TTC29: variants seen among roughly 807,000 people sequenced by gnomAD.
TTC29 encodes tetratricopeptide repeat domain 29, also known as tetratricopeptide repeat protein 29.
TTC29 carries 49 observed loss-of-function variants against 58.1 expected under a neutral mutation model. The ratio of observed to expected loss-of-function variants is 0.84; its 90% CI spans 0.67 to 1.07. The LOEUF (loss-of-function observed/expected upper bound fraction) is 1.07, where lower values mean the gene tolerates loss of function less well. Ranked by LOEUF, TTC29 falls within the 50% of genes least tolerant of loss-of-function variation. The pLI, the probability that TTC29 is intolerant of heterozygous loss-of-function variation, is 0.00. For synonymous variants in TTC29, 209 were observed against 196.8 expected (o/e 1.06, Z -0.52); for missense variants, 582 against 555.6 (o/e 1.05, Z -0.48).
intron 4 of TTC29, among the ~76,000 whole-genome samples, chr4:146,924,121 A>ATAT (rs969604604): frequency 1.3e-5 from 2 of 151,816 alleles, no homozygotes; most frequent in African/African-American, 2.4e-5. Context: ...AGCATGTGCT[A>ATAT]TATTACTTTT....
intron 11 of TTC29, among the ~76,000 whole-genome samples, chr4:146,710,916 C>T (rs1742443045): frequency 6.6e-6 from 1 of 151,982 alleles, no homozygotes; most frequent in African/African-American, 2.4e-5. Flanking sequence ...CATCGCATCC[C>T]TTTTTTGAAA....
At chr4:146,766,998 C>A (rs1001407433) in intron 11 of TTC29, among the ~76,000 whole-genome samples, 7 of 152,140 alleles carry the variant, frequency 4.6e-5, no homozygotes, top group Middle Eastern at 3.4e-3. Context: ...GTAGACAAAA[C>A]ATTTATTCAT....
chr4:146,778,636 T>G (rs917260873), intron 11 of TTC29, among the ~76,000 whole-genome samples: 2 of 152,174 alleles, frequency 1.3e-5, no homozygotes, highest in African/African-American at 4.8e-5. Context: ...TGAGTACACA[T>G]TTCTACATCA....
At chr4:146,931,179 CA>C (rs905164941) in intron 4 of TTC29, among the ~76,000 whole-genome samples, 26 of 140,610 alleles carry the variant, frequency 1.8e-4, no homozygotes, top group South Asian at 4.6e-4. Flanking sequence ...CCTGTCTCTA[CA>C]AAAAAAAAAG....
Position 146,923,263 on chromosome 4 carries a change from C to T in TTC29, c.177-14014G>A, listed in dbSNP as rs1184414493. 2.6e-5 allele frequency among the ~76,000 whole-genome samples: 4 copies of T among 151,666 alleles called. No homozygotes were observed. The South Asian group carries it at 8.3e-4, about 31-fold the overall frequency. ...TTAGCCAATTTTACAAAACCTTAAA[C>T]TGTAGCATAAGAAAATTAAAATCGT... On this transcript the variant is annotated intron_variant, in intron 4 of 12. Coordinates refer to ENST00000325106, the MANE Select transcript of TTC29 (RefSeq NM_031956.4).
At chr4:146,826,106 T>C (rs1727778646) in intron 9 of TTC29, among the ~76,000 whole-genome samples, 1 of 152,174 alleles carries the variant, frequency 6.6e-6, no homozygotes, top group Admixed American at 6.5e-5. Context: ...TTGGCCCACT[T>C]ACATTTAAGG....
chr4:146,762,569 G>A (rs578001662), intron 11 of TTC29, among the ~76,000 whole-genome samples: 1 of 151,882 alleles, frequency 6.6e-6, no homozygotes, highest in Admixed American at 6.6e-5. Context: ...TTCAAGAAAA[G>A]GTGCCATAAT....
intron 11 of TTC29, among the ~76,000 whole-genome samples, chr4:146,790,088 A>G (rs1052551366): frequency 2.6e-5 from 4 of 151,864 alleles, no homozygotes; most frequent in Non-Finnish European, 4.4e-5. Flanking sequence ...CTACATATAC[A>G]TGCCTTGATT....
chr4:146,900,938 T>C (rs1733105047), intron 6 of TTC29, among the ~76,000 whole-genome samples: 1 of 152,222 alleles, frequency 6.6e-6, no homozygotes, highest in East Asian at 1.9e-4. Flanking sequence ...GACAGCTATC[T>C]GAATCTCACT....
In TTC29 at chr4:146,754,139, TA is replaced by T. The variant is rs200828592; in HGVS notation, c.1331-46589del. 3.4e-3 allele frequency among the ~76,000 whole-genome samples: 507 copies of T among 150,498 alleles called. 4 individuals are homozygous for T. Among genetic ancestry groups the T allele is most frequent in the African/African-American group, 0.011 (455 of 41,202 alleles). On this transcript the variant is annotated intron_variant, in intron 11 of 12. Transcript: ENST00000325106. The stretch of plus-strand genomic sequence containing the variant: ...ATAAACTACCATCATTTTATATATT[TA>T]AAAAAAAAGAAATTATAACAGATGC...
At chr4:146,897,979 A>G (rs1209869250) in intron 6 of TTC29, among the ~76,000 whole-genome samples, 1 of 152,218 alleles carries the variant, frequency 6.6e-6, no homozygotes, top group Non-Finnish European at 1.5e-5. Flanking sequence ...TTAAGACTCA[A>G]TGATAGAATT....
At chr4:146,847,308 G>T (rs966661499) in intron 8 of TTC29, among the ~76,000 whole-genome samples, 12 of 152,078 alleles carry the variant, frequency 7.9e-5, no homozygotes, top group Admixed American at 5.9e-4. Flanking sequence ...GAATTCCCTG[G>T]CTTCCCAGTA....
rs533655118 is a variant in TTC29 at position 146,750,302 on chromosome 4, C to T, written c.1331-42751G>A. On this transcript the variant is annotated intron_variant, in intron 11 of 12. Transcript: ENST00000325106. ...GATTACAGGCATGAGCCACTGCGCC[C>T]GGCCCTATACCTGCCTTTTAAGAAA... is the stretch of plus-strand genomic sequence containing the variant. Among the ~76,000 whole-genome samples the T allele has an allele frequency of 1.2e-4, 18 of 152,246 alleles. 1 individual carries two copies. The highest frequency in any genetic ancestry group is 3.6e-4 in the African/African-American group (15 of 41,540).
chr4:146,833,860 TCCAGGTCTGTGGAGATTTTAC>T lies in TTC29; in HGVS notation c.902_922del (p.Cys301_Asp308delinsTyr). 1.2e-6 allele frequency: 2 copies of T among 1,613,292 alleles called. No individual in the cohort carries two copies. The highest frequency in any genetic ancestry group is 4.5e-5 in the East Asian group (2 of 44,802). Reference sequence around the variant, plus strand: ...GCCTCTCCCCAGACTGAGATCATCATCCAGGTCTGTGGAGATTTTACAGTAAGTGTCAAGGACCTATCAGGA... The same window carrying T: ...GCCTCTCCCCAGACTGAGATCATCATAGTAAGTGTCAAGGACCTATCAGGA... On this transcript the variant is annotated inframe_deletion, in exon 9 of 13. Coordinates refer to ENST00000325106, the MANE Select transcript of TTC29 (RefSeq NM_031956.4).
intron 11 of TTC29, among the ~76,000 whole-genome samples, chr4:146,714,041 G>A (rs1430441599): frequency 6.6e-6 from 1 of 151,976 alleles, no homozygotes; most frequent in East Asian, 1.9e-4. Context: ...AAATCAGATT[G>A]ACTCTTTTCC....
At chr4:146,801,872 A>G (rs1750244794) in intron 11 of TTC29, among the ~76,000 whole-genome samples, 1 of 146,604 alleles carries the variant, frequency 6.8e-6, no homozygotes, top group Non-Finnish European at 1.5e-5. Context: ...CCAGCTCCTC[A>G]GGAGGCTGAA....
At chr4:146,755,016 T>C (rs1250909703) in intron 11 of TTC29, among the ~76,000 whole-genome samples, 2 of 152,062 alleles carry the variant, frequency 1.3e-5, no homozygotes, top group East Asian at 3.8e-4. Flanking sequence ...AAAGAATGGT[T>C]TGAACCAATA....
intron 11 of TTC29, among the ~76,000 whole-genome samples, chr4:146,744,716 G>T (rs911326044): frequency 3.9e-5 from 6 of 152,082 alleles, no homozygotes; most frequent in Non-Finnish European, 8.8e-5. Context: ...ATCAAAGTAT[G>T]TTGTCAGCTG....
At chr4:146,832,953 A>C (rs1262571676) in intron 9 of TTC29, among the ~76,000 whole-genome samples, 1 of 152,164 alleles carries the variant, frequency 6.6e-6, no homozygotes, top group East Asian at 1.9e-4. Context: ...TTACCTCACT[A>C]GGTACTTTTT....
Sources: allele counts gnomAD v4.1 joint callset (sites outside exome capture counted in the v4.1 genomes callset), GRCh38; gene constraint gnomAD v4.1.1; transcripts MANE v1.5; gene names NCBI Gene and HGNC (gene_info 2026-07-23, HGNC 2026-07-21).